Variants in LCOR observed in about 807,000 individuals in gnomAD.
LCOR encodes the protein ligand-dependent corepressor.
A neutral mutation model predicts 64.4 loss-of-function variants in LCOR; 14 were observed. The observed-to-expected ratio is 0.22, with a 90% CI of 0.14 to 0.34. LCOR has a LOEUF of 0.34. LCOR is among the 10% of genes least tolerant of loss of function. The pLI, the probability that LCOR is intolerant of heterozygous loss-of-function variation, is 1.00. For missense variants in LCOR, 1,686 were observed against 1,765.3 expected (o/e 0.96, Z 0.80); for synonymous variants, 643 against 642.5 (o/e 1.00, Z -0.01).
At chr10:96,915,679 G>A (rs1276756669) in intron 4 of LCOR, 2 of 776,776 alleles carry the variant, frequency 2.6e-6, no homozygotes, top group East Asian at 2.6e-5. Context: ...GTCTGATTTG[G>A]CATTTCCCAT....
chr10:96,951,758 G>A (rs1303076972), intron 6 of LCOR, among the ~76,000 whole-genome samples: 6 of 152,084 alleles, frequency 3.9e-5, no homozygotes, highest in African/African-American at 1.4e-4. Context: ...TTTGATCAAG[G>A]AAAATTTAGA....
At chr10:96,900,255 CCATTGTATGGATATACCA>C (rs1846610317) in intron 2 of LCOR, among the ~76,000 whole-genome samples, 1 of 151,862 alleles carries the variant, frequency 6.6e-6, no homozygotes, top group Non-Finnish European at 1.5e-5. Context: ...TAATTTTATT[CCATTGTATGGATATACCA>C]CATTTTGTTT....
intron 2 of LCOR, among the ~76,000 whole-genome samples, chr10:96,878,744 C>G (rs181294299): frequency 6.6e-6 from 1 of 152,112 alleles, no homozygotes; most frequent in Non-Finnish European, 1.5e-5. Context: ...CTCATTTCGT[C>G]AACTTGATGT....
chr10:96,852,892 C>T (rs892758167), intron 2 of LCOR, among the ~76,000 whole-genome samples: 1 of 152,158 alleles, frequency 6.6e-6, no homozygotes, highest in African/African-American at 2.4e-5. Context: ...TGTCTCTTCT[C>T]ATTTTCTCTA....
rs148799844 is a variant in LCOR, at chr10:96,985,089, G to T, written c.4629G>T (p.Lys1543Asn). ...AAQRKRKLKA[K>N]LDCSHSKRRR... ...AGAGAAAGCGAAAGCTGAAGGCAAA[G>T]CTGGACTGTTCGCACAGCAAACGGA... Residue 1543 changes from lysine to asparagine, a missense_variant, in exon 8 of 8, where the codon AAG (lysine) becomes AAT (asparagine). Lys to Asn is a moderately conservative substitution (Grantham distance 94). This residue lies in a region of LCOR where 1,293 missense variants were observed against 1,410.4 expected (regional missense o/e 0.92). Transcript: ENST00000421806. The T allele has an allele frequency of 2.7e-4, 427 of 1,610,516 alleles. 1 individual carries two copies. Among genetic ancestry groups the T allele is most frequent in the Non-Finnish European group, 2.5e-4 (294 of 1,179,152 alleles).
At chr10:96,891,758 A>G (rs900731896) in intron 2 of LCOR, among the ~76,000 whole-genome samples, 6 of 151,838 alleles carry the variant, frequency 4.0e-5, no homozygotes, top group Admixed American at 2.6e-4. Flanking sequence ...TGGCCAGGCT[A>G]GTTGCGAACG....
At chr10:96,893,266 G>T (rs914458275) in intron 2 of LCOR, among the ~76,000 whole-genome samples, 4 of 152,026 alleles carry the variant, frequency 2.6e-5, no homozygotes, top group African/African-American at 9.7e-5. Flanking sequence ...AATTATTGTT[G>T]TATGTAGTCT....
chr10:96,915,765 T>C, intron 4 of LCOR: 1 of 626,734 alleles, frequency 1.6e-6, no homozygotes, highest in Non-Finnish European at 3.0e-6. Flanking sequence ...TCTCCCTCCT[T>C]TGCAGGGCCC....
chr10:96,947,209 TTA>T (rs1847603691), intron 5 of LCOR, among the ~76,000 whole-genome samples: 1 of 152,074 alleles, frequency 6.6e-6, no homozygotes. Flanking sequence ...CCGGGAATAC[TTA>T]TAGTCTCTAT....
chr10:96,957,608 TTAGA>T (rs1847806429), intron 7 of LCOR: 5 of 985,302 alleles, frequency 5.1e-6, no homozygotes, highest in Non-Finnish European at 4.8e-6. Flanking sequence ...GGAGGGTTGG[TTAGA>T]TTGATTTCAG....
chr10:96,891,689 C>G (rs1846446870), intron 2 of LCOR, among the ~76,000 whole-genome samples: 1 of 151,310 alleles, frequency 6.6e-6, no homozygotes, highest in Non-Finnish European at 1.5e-5. Context: ...ATTACAGGTG[C>G]ACGCCACCAC....
rs571354886 is a variant in LCOR, at chr10:96,883,600, A to G, written c.-329-23665A>G. On this transcript the variant is annotated intron_variant, in intron 2 of 7. Coordinates refer to ENST00000421806, the MANE Select transcript of LCOR (RefSeq NM_001346516.2). Reference sequence around the variant, plus strand: ...TCAACTTGCAGTTCCCTGCTGACATATAATGTTGAACTTTCATATGCTTAC... The same window carrying G: ...TCAACTTGCAGTTCCCTGCTGACATGTAATGTTGAACTTTCATATGCTTAC... Among the ~76,000 whole-genome samples the G allele has an allele frequency of 5.0e-4, 76 of 152,300 alleles. 1 individual carries two copies. Among genetic ancestry groups the G allele is most frequent in the African/African-American group, 1.3e-3 (54 of 41,566 alleles).
At chr10:96,912,599 T>TCTTCCTTC (rs1554836467) in intron 4 of LCOR, among the ~76,000 whole-genome samples, 1 of 110,752 alleles carries the variant, frequency 9.0e-6, no homozygotes, top group South Asian at 3.2e-4. Flanking sequence ...GATCTTCCTT[T>TCTTCCTTC]CTTCCTTTCT....
rs775823997 is a variant in LCOR, at chr10:96,952,155, C to T, written c.291C>T (p.Ser97=). The change falls in exon 7 of 8, where the codon TCC becomes TCT. Residue 97 remains serine, a synonymous_variant. Coordinates refer to ENST00000421806, the MANE Select transcript of LCOR (RefSeq NM_001346516.2). ...TKKSPCAGST[S]LSHSPGCSST... is the part of the protein sequence containing the mutation. ...AAAGTCCATGTGCTGGCAGCACTTC[C>T]CTGAGCCACTCTCCAGGCTGCTCCA... is the stretch of plus-strand genomic sequence containing the variant. The T allele has an allele frequency of 1.2e-5, 20 of 1,614,070 alleles. No homozygotes were observed. Among genetic ancestry groups the T allele is most frequent in the Non-Finnish European group, 1.7e-5 (20 of 1,179,958 alleles).
At chr10:96,922,785 GTAA>G (rs753466514) in intron 4 of LCOR, among the ~76,000 whole-genome samples, 10 of 152,294 alleles carry the variant, frequency 6.6e-5, no homozygotes, top group Admixed American at 1.3e-4. Context: ...TAGTGTAATA[GTAA>G]TAATAGCCAT....
intron 2 of LCOR, among the ~76,000 whole-genome samples, chr10:96,875,382 A>C (rs904842217): frequency 6.6e-6 from 1 of 151,672 alleles, no homozygotes; most frequent in Non-Finnish European, 1.5e-5. Context: ...CAAATAAAAA[A>C]AAAAATAATA....
chr10:96,958,259 T>C, intron 7 of LCOR: 2 of 1,326,188 alleles, frequency 1.5e-6, no homozygotes, highest in Non-Finnish European at 1.9e-6. Flanking sequence ...GCCCTAAAAG[T>C]TCAACTTTTG....
intron 4 of LCOR, among the ~76,000 whole-genome samples, chr10:96,929,568 C>G (rs1374717651): frequency 6.6e-6 from 1 of 152,220 alleles, no homozygotes; most frequent in Non-Finnish European, 1.5e-5. Flanking sequence ...ACCACTCAGA[C>G]TTTCTCCATA....
intron 4 of LCOR, among the ~76,000 whole-genome samples, chr10:96,918,204 AC>A (rs1188495739): frequency 2.0e-5 from 3 of 152,158 alleles, no homozygotes; most frequent in Non-Finnish European, 2.9e-5. Context: ...TAAATGAGTT[AC>A]CCATTTTGCA....
Sources: allele counts gnomAD v4.1 joint callset (sites outside exome capture counted in the v4.1 genomes callset), GRCh38; gene constraint gnomAD v4.1.1; regional missense constraint gnomAD v4.1.1; transcripts MANE v1.5; gene names NCBI Gene and HGNC (gene_info 2026-07-23, HGNC 2026-07-21).